The following MOXD1 variants were observed in gnomAD, a reference collection of about 807,000 sequenced individuals.
The protein encoded by MOXD1 is monooxygenase DBH like 1.
A neutral mutation model predicts 66.6 loss-of-function variants in MOXD1; 62 were observed. The ratio of observed to expected loss-of-function variants is 0.93; its 90% CI spans 0.76 to 1.15. MOXD1 has a LOEUF of 1.15. Among genes scored for constraint, MOXD1 ranks in the 50% most tolerant of loss-of-function variants. The pLI, the probability that MOXD1 is intolerant of heterozygous loss-of-function variation, is 0.00. For missense variants in MOXD1, 847 were observed against 754.6 expected (o/e 1.12, Z -1.44); for synonymous variants, 303 against 281.9 (o/e 1.07, Z -0.75).
At chr6:132,366,998 G>T (rs1776162477) in intron 4 of MOXD1, among the ~76,000 whole-genome samples, 1 of 152,052 alleles carries the variant, frequency 6.6e-6, no homozygotes, top group Non-Finnish European at 1.5e-5. Context: ...CAATAGAAGA[G>T]AACAGAAGCA....
intron 4 of MOXD1, among the ~76,000 whole-genome samples, chr6:132,340,449 T>C (rs1238107319): frequency 7.3e-6 from 1 of 137,280 alleles, no homozygotes; most frequent in Non-Finnish European, 1.7e-5. Context: ...TTCTTTTTTT[T>C]TTTTTTTTTT....
Position 132,297,889 on chromosome 6 carries a change from A to C in MOXD1, c.1575T>G (p.Asn525Lys). ...YKNLSFMDAM[N>K]KFKWTKKEGL... ...CTTCCTTTTTAGTCCATTTAAACTT[A>C]TTCATAGCATCCATGAAAGAAAGGT... is the stretch of plus-strand genomic sequence containing the variant. Residue 525 changes from asparagine to lysine, a missense_variant, in exon 11 of 12, where the codon AAT becomes AAG. Asn to Lys is a moderately conservative substitution (Grantham distance 94, BLOSUM62 0). Transcript: ENST00000367963. 1.9e-6 allele frequency: 3 copies of C among 1,613,270 alleles called. No homozygotes were observed. The highest frequency in any genetic ancestry group is 2.5e-6 in the Non-Finnish European group (3 of 1,179,630).
intron 4 of MOXD1, among the ~76,000 whole-genome samples, chr6:132,340,168 C>A (rs1335609796): frequency 6.6e-6 from 1 of 152,110 alleles, no homozygotes; most frequent in African/African-American, 2.4e-5. Flanking sequence ...CAGGTGCGAG[C>A]CACCGCGCCT....
chr6:132,310,627 A>C (rs1039502547), intron 10 of MOXD1, among the ~76,000 whole-genome samples: 6 of 152,358 alleles, frequency 3.9e-5, no homozygotes, highest in Admixed American at 3.9e-4. Flanking sequence ...CTGGATACAG[A>C]AAATGTGGTA....
At position 132,297,180 on chromosome 6, in the gene MOXD1, G is replaced by A; in HGVS notation, c.1815C>T (p.Ser605=). The A allele has an allele frequency of 6.2e-7, 1 of 1,613,492 alleles. No individual in the cohort carries two copies. ...ACAAGCTCTTGGTGCTCAGCGTGCA[G>A]CTGAGTAGCAGAAGGCAAACAAGCA... ...INLLVCLLLL[S]CTLSTKSL is the part of the protein sequence containing the mutation. Residue 605 remains serine (S), a synonymous_variant, in exon 12 of 12, where the codon AGC becomes AGT. Transcript: ENST00000367963.
intron 4 of MOXD1, among the ~76,000 whole-genome samples, chr6:132,333,504 A>G (rs1266702147): frequency 6.6e-6 from 1 of 152,234 alleles, no homozygotes; most frequent in Non-Finnish European, 1.5e-5. Flanking sequence ...ATTATTAAAG[A>G]AAGTCATGAC....
intron 4 of MOXD1, among the ~76,000 whole-genome samples, chr6:132,349,314 T>C (rs1428065410): frequency 1.3e-5 from 2 of 149,082 alleles, no homozygotes; most frequent in Non-Finnish European, 3.0e-5. Context: ...GATAATTCAT[T>C]CCTTTTCATG....
intron 4 of MOXD1, among the ~76,000 whole-genome samples, chr6:132,358,866 A>G (rs1450430964): frequency 6.6e-6 from 1 of 152,230 alleles, no homozygotes; most frequent in Non-Finnish European, 1.5e-5. Context: ...TAAATAAATA[A>G]ATAATTCCTT....
chr6:132,377,379 T>C (rs1776415508), intron 1 of MOXD1, among the ~76,000 whole-genome samples: 1 of 152,200 alleles, frequency 6.6e-6, no homozygotes, highest in Non-Finnish European at 1.5e-5. Flanking sequence ...ATCCAAGCAG[T>C]TTTTGCAATA....
chr6:132,360,065 T>A (rs1416976252), intron 4 of MOXD1, among the ~76,000 whole-genome samples: 1 of 152,216 alleles, frequency 6.6e-6, no homozygotes, highest in African/African-American at 2.4e-5. Flanking sequence ...TGGGCAGATG[T>A]TGGTTGTATC....
chr6:132,334,950 C>G (rs1775406839), intron 4 of MOXD1, among the ~76,000 whole-genome samples: 1 of 152,126 alleles, frequency 6.6e-6, no homozygotes, highest in African/African-American at 2.4e-5. Context: ...AACCTAAGAC[C>G]AAGTGACTGG....
intron 4 of MOXD1, among the ~76,000 whole-genome samples, chr6:132,329,208 T>C (rs6901253): frequency 0.37 from 56,981 of 152,000 alleles, 14,744 homozygotes; most frequent in African/African-American, 0.74. Context: ...AGTGAGAACA[T>C]GCGGTGTTTG....
intron 4 of MOXD1, among the ~76,000 whole-genome samples, chr6:132,347,893 T>C (rs1434238627): frequency 8.5e-5 from 13 of 152,238 alleles, no homozygotes; most frequent in Non-Finnish European, 1.5e-4. Flanking sequence ...TCTCTCTTTT[T>C]TTTTTCTTAT....
chr6:132,368,828 T>C (rs1272103947), intron 4 of MOXD1, among the ~76,000 whole-genome samples: 3 of 152,060 alleles, frequency 2.0e-5, no homozygotes, highest in Non-Finnish European at 4.4e-5. Flanking sequence ...AAATCCCCAG[T>C]GGATGGCAGA....
At chr6:132,382,209 C>G (rs1008229808) in intron 1 of MOXD1, among the ~76,000 whole-genome samples, 2 of 151,918 alleles carry the variant, frequency 1.3e-5, no homozygotes, top group Admixed American at 6.6e-5. Context: ...TAAAATTAGA[C>G]TTTATGTGGG....
chr6:132,385,402 T>G (rs1360048336), intron 1 of MOXD1, among the ~76,000 whole-genome samples: 1 of 151,766 alleles, frequency 6.6e-6, no homozygotes, highest in African/African-American at 2.4e-5. Flanking sequence ...CTCTTTTAAT[T>G]ATTTTTTCAG....
intron 4 of MOXD1, among the ~76,000 whole-genome samples, chr6:132,362,604 A>C (rs1776036322): frequency 6.6e-6 from 1 of 152,176 alleles, no homozygotes; most frequent in African/African-American, 2.4e-5. Context: ...CAAGTGAAAA[A>C]TGTTAGTATT....
rs191002749 is a variant in MOXD1 at position 132,364,679 on chromosome 6, C to T, written c.663+7929G>A. On this transcript the variant is annotated intron_variant, in intron 4 of 11. Coordinates refer to ENST00000367963, the MANE Select transcript of MOXD1 (RefSeq NM_015529.4). ...TTTTAAAATGACATTATCTCTGTGACTTAAGAGGTATCTGAAAACTGAAGC... is the reference window on the plus strand; with the variant it reads ...TTTTAAAATGACATTATCTCTGTGATTTAAGAGGTATCTGAAAACTGAAGC... Among the ~76,000 whole-genome samples, 589 of 152,298 alleles carry T rather than the reference C, an allele frequency of 3.9e-3. 4 individuals carry two copies. Among genetic ancestry groups the T allele is most frequent in the Middle Eastern group, 0.034 (10 of 294 alleles).
At chr6:132,342,431 C>T (rs1775584084) in intron 4 of MOXD1, among the ~76,000 whole-genome samples, 1 of 152,190 alleles carries the variant, frequency 6.6e-6, no homozygotes, top group Non-Finnish European at 1.5e-5. Context: ...TTACTGAATG[C>T]AATTATTTCA....
Sources: gnomAD v4.1 joint callset for allele counts (sites outside exome capture counted in the v4.1 genomes callset) on GRCh38, gnomAD v4.1.1 for gene constraint, MANE v1.5 for transcripts, NCBI Gene and HGNC (gene_info 2026-07-23, HGNC 2026-07-21) for gene names.